ZNF827: variants seen among roughly 807,000 people sequenced by gnomAD.
The protein encoded by ZNF827 is zinc finger protein 827.
ZNF827 carries 13 observed loss-of-function variants against 102.4 expected under a neutral mutation model. The ratio of observed to expected loss-of-function variants is 0.13; its 90% CI spans 0.08 to 0.20. ZNF827 has a LOEUF of 0.20. Ranked by LOEUF, ZNF827 falls within the 10% of genes least tolerant of loss-of-function variation. ZNF827 has a pLI of 1.00. For missense variants in ZNF827, 1,103 were observed against 1,344.4 expected (o/e 0.82, Z 2.81); for synonymous variants, 523 against 536.2 (o/e 0.98, Z 0.34).
At chr4:145,897,620 C>CA (rs907385532) in intron 2 of ZNF827, among the ~76,000 whole-genome samples, 1 of 151,940 alleles carries the variant, frequency 6.6e-6, no homozygotes, top group African/African-American at 2.4e-5. Flanking sequence ...TTCATGGCAA[C>CA]AAAAAAAGCC....
chr4:145,925,691 A>G (rs959619400), intron 1 of ZNF827, among the ~76,000 whole-genome samples: 7 of 152,242 alleles, frequency 4.6e-5, no homozygotes, highest in Non-Finnish European at 7.3e-5. Flanking sequence ...TCAATTCAGT[A>G]TAGTGAAAGA....
chr4:145,890,318 A>G (rs768824068), intron 3 of ZNF827, among the ~76,000 whole-genome samples: 3 of 152,200 alleles, frequency 2.0e-5, no homozygotes, highest in Non-Finnish European at 4.4e-5. Context: ...GTAATTTCAC[A>G]CAACTGCTTT....
chr4:145,906,217 G>A (rs770939579), intron 1 of ZNF827, among the ~76,000 whole-genome samples: 5 of 152,190 alleles, frequency 3.3e-5, no homozygotes, highest in South Asian at 2.1e-4. Flanking sequence ...AGACAGAACC[G>A]CTGAACGACG....
At chr4:145,803,324 GT>G (rs2126308398) in intron 8 of ZNF827, among the ~76,000 whole-genome samples, 1 of 152,036 alleles carries the variant, frequency 6.6e-6, no homozygotes, top group African/African-American at 2.4e-5. Flanking sequence ...CCTTTTCCTA[GT>G]GCAGATTTAA....
chr4:145,804,153 A>T (rs1052673819), intron 8 of ZNF827, among the ~76,000 whole-genome samples: 1 of 152,236 alleles, frequency 6.6e-6, no homozygotes, highest in Non-Finnish European at 1.5e-5. Flanking sequence ...GTGTGTACAC[A>T]CAGAAGTGAA....
intron 8 of ZNF827, among the ~76,000 whole-genome samples, chr4:145,785,685 A>G (rs1323873738): frequency 6.6e-6 from 1 of 152,192 alleles, no homozygotes; most frequent in Non-Finnish European, 1.5e-5. Context: ...GGCCAAGAGA[A>G]CCTAAGTAAT....
At chr4:145,842,383 C>T (rs1289851643) in intron 7 of ZNF827, among the ~76,000 whole-genome samples, 4 of 152,136 alleles carry the variant, frequency 2.6e-5, no homozygotes, top group Admixed American at 6.5e-5. Context: ...AGCACACATC[C>T]GTGGACTTCG....
At chr4:145,890,676 A>G (rs1750521555) in intron 3 of ZNF827, among the ~76,000 whole-genome samples, 1 of 152,214 alleles carries the variant, frequency 6.6e-6, no homozygotes, top group Admixed American at 6.5e-5. Context: ...TTTTAAAGGC[A>G]TTTCTTTTGA....
intron 4 of ZNF827, among the ~76,000 whole-genome samples, chr4:145,883,154 T>C (rs1234642949): frequency 6.6e-6 from 1 of 152,108 alleles, no homozygotes; most frequent in Non-Finnish European, 1.5e-5. Context: ...GTCACCAAGT[T>C]TACATTTACA....
intron 8 of ZNF827, among the ~76,000 whole-genome samples, chr4:145,780,156 A>G (rs879794631): frequency 1.4e-4 from 22 of 151,816 alleles, no homozygotes; most frequent in Admixed American, 9.9e-4. Context: ...ACGCCACTGC[A>G]CTCCAGCCTG....
rs532059531 is a variant in ZNF827 at position 145,776,745 on chromosome 4, C to A, written c.2522-785G>T. Among the ~76,000 whole-genome samples the A allele has an allele frequency of 4.6e-5, 7 of 151,848 alleles. No homozygotes were observed. The East Asian group carries it at 1.2e-3, about 25-fold the overall frequency. Reference sequence around the variant, plus strand: ...TTTTCCCTAAGCTCCTGGCCTGGGTCGGCCAAGAAATAAAAAAACTAATGA... The same window carrying A: ...TTTTCCCTAAGCTCCTGGCCTGGGTAGGCCAAGAAATAAAAAAACTAATGA... On this transcript the variant is annotated intron_variant, in intron 9 of 14. Coordinates refer to ENST00000508784, the MANE Select transcript of ZNF827 (RefSeq NM_001306215.2).
chr4:145,823,466 A>T lies in ZNF827; in HGVS notation c.2339T>A (p.Leu780Gln). 6.5e-7 allele frequency: 1 copy of T among 1,535,998 alleles called. No individual in the cohort carries two copies. Among genetic ancestry groups the T allele is most frequent in the Non-Finnish European group, 8.8e-7 (1 of 1,130,242 alleles). ...GTGCAGCACGGAGTCACTGGGCAGC[A>T]GTTCTTTTGAATTGGAGGTGAATGG... ...QSPFTSNSKE[L>Q]LPSDSVLHGR... The change falls in exon 8 of 15, where the codon CTG becomes CAG. Residue 780 changes from leucine (L) to glutamine (Q), a missense_variant. This residue lies in a region of ZNF827 where 243 missense variants were observed against 251.6 expected (regional missense o/e 0.97). Coordinates refer to ENST00000508784, the MANE Select transcript of ZNF827 (RefSeq NM_001306215.2).
intron 7 of ZNF827, among the ~76,000 whole-genome samples, chr4:145,835,630 C>T (rs560638709): frequency 0.01 from 1,511 of 150,038 alleles, 29 homozygotes; most frequent in African/African-American, 0.034. Flanking sequence ...ATCCCCCCAC[C>T]TTAACCCACA....
chr4:145,866,883 T>A (rs1507928), intron 5 of ZNF827, among the ~76,000 whole-genome samples: 1 of 152,080 alleles, frequency 6.6e-6, no homozygotes, highest in African/African-American at 2.4e-5. Context: ...TTTTGTGTCA[T>A]TTTCAGCATT....
At chr4:145,891,677 T>G (rs1048229466) in intron 3 of ZNF827, among the ~76,000 whole-genome samples, 2 of 152,216 alleles carry the variant, frequency 1.3e-5, no homozygotes, top group East Asian at 3.8e-4. Flanking sequence ...ACTACAGTCT[T>G]GTTAGAAAGG....
rs886324308 is a variant in ZNF827 at position 145,823,565 on chromosome 4, G to A, written c.2280-40C>T. ...GGGGAGTGAAGTTTAGTAAATTAAA[G>A]TTATTTAAGACACCCAGAGCACCTG... On this transcript the variant is annotated intron_variant, in intron 7 of 14. Coordinates refer to ENST00000508784, the MANE Select transcript of ZNF827 (RefSeq NM_001306215.2). The A allele has an allele frequency of 2.8e-6, 4 of 1,445,300 alleles. No homozygotes were observed. In the African/African-American group the frequency reaches 4.2e-5, roughly 15 times the overall value. 89.5% of individuals were successfully genotyped at this position (1,445,300 alleles called of 1,614,324 possible).
intron 7 of ZNF827, chr4:145,832,316 C>CACAG (rs1467104261): frequency 3.3e-5 from 5 of 151,898 alleles, no homozygotes; most frequent in Non-Finnish European, 7.3e-5. Flanking sequence ...CACACACACA[C>CACAG]ACACACACAC....
At position 145,759,234 on chromosome 4, in the gene ZNF827, G is replaced by T. The variant is rs1476652214; in HGVS notation, c.*2382C>A. On this transcript the variant is annotated 3_prime_UTR_variant, in exon 15 of 15. Coordinates refer to ENST00000508784, the MANE Select transcript of ZNF827 (RefSeq NM_001306215.2). ...CAGCCTGTTTCATACTGGAAATTCT[G>T]TTGTTTTAAAAATACAAGCAATGAA... 1 of 152,050 alleles carries T rather than the reference G, an allele frequency of 6.6e-6. No homozygotes were observed. The highest frequency in any genetic ancestry group is 1.5e-5 in the Non-Finnish European group (1 of 68,006). 9.4% of individuals were successfully genotyped at this position (152,050 alleles called of 1,614,324 possible).
intron 5 of ZNF827, among the ~76,000 whole-genome samples, chr4:145,865,649 CT>C (rs2126735679): frequency 6.6e-6 from 1 of 152,326 alleles, no homozygotes; most frequent in East Asian, 1.9e-4. Context: ...CTCTCAGACC[CT>C]TTCAAGAAGG....
Sources: gnomAD v4.1 joint callset for allele counts (sites outside exome capture counted in the v4.1 genomes callset) on GRCh38, gnomAD v4.1.1 for gene constraint, gnomAD v4.1.1 regional missense constraint, MANE v1.5 for transcripts, NCBI Gene and HGNC (gene_info 2026-07-23, HGNC 2026-07-21) for gene names.